KCNIP1: variants seen among roughly 807,000 people sequenced by gnomAD.
KCNIP1 encodes the protein A-type potassium channel modulatory protein KCNIP1.
Under a neutral mutation model 33.0 loss-of-function variants are expected in KCNIP1, and 18 were observed. The ratio of observed to expected loss-of-function variants is 0.55; its 90% CI spans 0.38 to 0.81. KCNIP1 has a LOEUF of 0.81. KCNIP1 is among the 30% of genes least tolerant of loss of function. KCNIP1 has a pLI of 0.00. For missense variants in KCNIP1, 238 were observed against 271.6 expected, an observed-to-expected ratio of 0.88 and a Z score of 0.87; for synonymous variants, 93 against 98.3, an observed-to-expected ratio of 0.95 and a Z score of 0.32.
chr5:170,471,920 A>C (rs1756737601), intron 1 of KCNIP1, among the ~76,000 whole-genome samples: 1 of 152,164 alleles, frequency 6.6e-6, no homozygotes, highest in South Asian at 2.1e-4. Flanking sequence ...TTCATTTTTC[A>C]CATCTCCGTC....
chr5:170,388,729 C>G (rs781389015), intron 1 of KCNIP1, among the ~76,000 whole-genome samples: 11 of 152,188 alleles, frequency 7.2e-5, no homozygotes, highest in Non-Finnish European at 1.5e-4. Flanking sequence ...CAAATCCTGG[C>G]TCTGCCACTT....
chr5:170,511,344 C>A (rs1459497004), intron 1 of KCNIP1, among the ~76,000 whole-genome samples: 1 of 152,252 alleles, frequency 6.6e-6, no homozygotes, highest in Non-Finnish European at 1.5e-5. Flanking sequence ...GCCTTTTGTC[C>A]CATCTCAGGA....
At chr5:170,685,380 A>G (rs997387614) in intron 1 of KCNIP1, among the ~76,000 whole-genome samples, 3 of 150,150 alleles carry the variant, frequency 2.0e-5, no homozygotes, top group African/African-American at 7.4e-5. Context: ...TGCCTACCTA[A>G]TACCCAGACT....
intron 1 of KCNIP1, among the ~76,000 whole-genome samples, chr5:170,671,304 T>C (rs1010036750): frequency 6.6e-6 from 1 of 152,190 alleles, no homozygotes; most frequent in African/African-American, 2.4e-5. Context: ...CCCTGGGCCC[T>C]AGCACTAACC....
At chr5:170,641,025 G>A (rs767623394) in intron 1 of KCNIP1, among the ~76,000 whole-genome samples, 1 of 152,156 alleles carries the variant, frequency 6.6e-6, no homozygotes, top group Non-Finnish European at 1.5e-5. Flanking sequence ...TGGTTGCTAA[G>A]TAGAAAGAAT....
At chr5:170,447,771 G>A (rs1345392366) in intron 1 of KCNIP1, among the ~76,000 whole-genome samples, 2 of 151,738 alleles carry the variant, frequency 1.3e-5, no homozygotes, top group East Asian at 1.9e-4. Context: ...TCCCTTTTCT[G>A]CTTGGAGGAG....
chr5:170,605,374 G>A (rs889432206), intron 1 of KCNIP1, among the ~76,000 whole-genome samples: 1 of 152,204 alleles, frequency 6.6e-6, no homozygotes, highest in East Asian at 1.9e-4. Flanking sequence ...GCAAGACAGG[G>A]AAAGGATTGG....
At chr5:170,423,124 C>T (rs1316534747) in intron 1 of KCNIP1, among the ~76,000 whole-genome samples, 1 of 152,134 alleles carries the variant, frequency 6.6e-6, no homozygotes, top group African/African-American at 2.4e-5. Flanking sequence ...TAAAAACAAA[C>T]AAAAACCTCA....
chr5:170,588,986 ATACTTAC>A (rs1450364692), intron 1 of KCNIP1, among the ~76,000 whole-genome samples: 1 of 146,244 alleles, frequency 6.8e-6, no homozygotes, highest in Admixed American at 7.0e-5. Context: ...AAATGAGCTC[ATACTTAC>A]TTCTTTTTTT....
At position 170,419,157 on chromosome 5, in the gene KCNIP1, C is replaced by T. The variant is rs74427040; in HGVS notation, c.88+65193C>T. Among the ~76,000 whole-genome samples, 1,150 of 152,312 alleles carry T rather than the reference C, an allele frequency of 7.6e-3. 18 individuals carry two copies. Among genetic ancestry groups the T allele is most frequent in the African/African-American group, 0.027 (1,106 of 41,560 alleles). ...AGTGAGCTGAGATAGAGGGGACAGACAGAGTCAGTGTCCAGTGCTGACCTC... is the reference window on the plus strand; with the variant it reads ...AGTGAGCTGAGATAGAGGGGACAGATAGAGTCAGTGTCCAGTGCTGACCTC... On this transcript the variant is annotated intron_variant, in intron 1 of 7. Coordinates refer to the KCNIP1 transcript ENST00000377360.
intron 1 of KCNIP1, chr5:170,378,927 G>T: frequency 1.2e-6 from 2 of 1,614,180 alleles, no homozygotes; most frequent in Non-Finnish European, 1.7e-6. Flanking sequence ...CTCCACGTCG[G>T]CCCGGGCCGT....
intron 1 of KCNIP1, among the ~76,000 whole-genome samples, chr5:170,540,221 C>G (rs897416965): frequency 3.3e-5 from 5 of 152,188 alleles, no homozygotes; most frequent in African/African-American, 7.2e-5. Flanking sequence ...GACTCAGGAG[C>G]TTTCCTGGGG....
intron 1 of KCNIP1, among the ~76,000 whole-genome samples, chr5:170,416,514 A>G (rs1227296465): frequency 6.6e-6 from 1 of 152,164 alleles, no homozygotes; most frequent in African/African-American, 2.4e-5. Context: ...GCCTTGTCAC[A>G]GGGGCCTTCC....
intron 1 of KCNIP1, among the ~76,000 whole-genome samples, chr5:170,645,262 G>A (rs1054538814): frequency 6.6e-6 from 1 of 152,132 alleles, no homozygotes; most frequent in African/African-American, 2.4e-5. Flanking sequence ...GGGGAACAGG[G>A]TTTAAATTGG....
In KCNIP1 at chr5:170,441,233, C is replaced by A. The variant is rs545876631; in HGVS notation, c.88+87269C>A. Among the ~76,000 whole-genome samples the A allele has an allele frequency of 2.0e-5, 3 of 152,336 alleles. No individual in the cohort carries two copies. In the South Asian group the frequency reaches 6.2e-4, roughly 32 times the overall value. On this transcript the variant is annotated intron_variant, in intron 1 of 7. Transcript: ENST00000377360. Reference sequence around the variant, plus strand: ...GAACTCAAAGCCCCTTTCATGCAACCGTGTGTGCACAGTTACACACAGATC... The same window carrying A: ...GAACTCAAAGCCCCTTTCATGCAACAGTGTGTGCACAGTTACACACAGATC...
At chr5:170,433,992 G>A (rs192762498) in intron 1 of KCNIP1, among the ~76,000 whole-genome samples, 1 of 152,252 alleles carries the variant, frequency 6.6e-6, no homozygotes, top group East Asian at 1.9e-4. Context: ...TGCCTTGATT[G>A]GGCCGCATTT....
At chr5:170,562,051 C>T (rs935563760) in intron 1 of KCNIP1, among the ~76,000 whole-genome samples, 1 of 152,138 alleles carries the variant, frequency 6.6e-6, no homozygotes, top group Non-Finnish European at 1.5e-5. Context: ...TGAAGTCAGA[C>T]CGTCGTAAGT....
intron 1 of KCNIP1, among the ~76,000 whole-genome samples, chr5:170,714,836 AC>A (rs1455149000): frequency 6.6e-6 from 1 of 152,208 alleles, no homozygotes; most frequent in African/African-American, 2.4e-5. Flanking sequence ...TTGAAAAAAA[AC>A]CAAATAGTTT....
chr5:170,635,402 C>T (rs1432613370), intron 1 of KCNIP1, among the ~76,000 whole-genome samples: 2 of 152,122 alleles, frequency 1.3e-5, no homozygotes, highest in African/African-American at 4.8e-5. Context: ...TTACATGTTA[C>T]CCCCTCAGAG....
Sources: allele counts gnomAD v4.1 joint callset (sites outside exome capture counted in the v4.1 genomes callset), GRCh38; gene constraint gnomAD v4.1.1; transcripts MANE v1.5; gene names NCBI Gene and HGNC (gene_info 2026-07-23, HGNC 2026-07-21).